The following THSD7B variants were observed in gnomAD, a reference collection of about 807,000 sequenced individuals.
THSD7B encodes the protein thrombospondin type-1 domain-containing protein 7B.
A neutral mutation model predicts 213.6 loss-of-function variants in THSD7B; 138 were observed. That is an observed-to-expected ratio of 0.65 (90% CI 0.56 to 0.74). THSD7B has a LOEUF of 0.74. THSD7B is among the 30% of genes least tolerant of loss of function. The pLI, the probability that THSD7B is intolerant of heterozygous loss-of-function variation, is 0.00. For missense variants in THSD7B, 1,931 were observed against 1,991.5 expected (o/e 0.97, Z 0.58); for synonymous variants, 742 against 687.0 (o/e 1.08, Z -1.25).
At chr2:136,973,982 G>T (rs1482587093) in intron 2 of THSD7B, among the ~76,000 whole-genome samples, 1 of 152,150 alleles carries the variant, frequency 6.6e-6, no homozygotes. Flanking sequence ...AAGTGGAATT[G>T]ACAAGTAATG....
intron 15 of THSD7B, among the ~76,000 whole-genome samples, chr2:137,505,141 C>G (rs1434931104): frequency 1.3e-5 from 2 of 152,176 alleles, no homozygotes; most frequent in African/African-American, 4.8e-5. Flanking sequence ...TTGCCTGTCC[C>G]ACATTTCCCA....
At chr2:137,030,678 A>C (rs900307123) in intron 2 of THSD7B, among the ~76,000 whole-genome samples, 2 of 152,194 alleles carry the variant, frequency 1.3e-5, no homozygotes, top group African/African-American at 4.8e-5. Flanking sequence ...TCAAAAACCA[A>C]GTGAGAGCCG....
chr2:136,822,389 G>A (rs1682578658), intron 1 of THSD7B, among the ~76,000 whole-genome samples: 1 of 152,162 alleles, frequency 6.6e-6, no homozygotes, highest in Admixed American at 6.5e-5. Context: ...ACTGACTCCT[G>A]CTGCTGCTGG....
At chr2:137,663,677 G>C in intron 26 of THSD7B, 102 bp downstream of exon 26, 1 of 1,108,230 alleles carries the variant, frequency 9.0e-7, no homozygotes, top group Non-Finnish European at 1.3e-6. Flanking sequence ...AGGAAAAGAG[G>C]AGAGAAGAAA....
intron 1 of THSD7B, among the ~76,000 whole-genome samples, chr2:136,774,038 G>A (rs1020501016): frequency 1.3e-5 from 2 of 151,998 alleles, no homozygotes; most frequent in East Asian, 1.9e-4. Context: ...GAGGGGGCAT[G>A]TCTGGCTTGC....
chr2:137,546,987 A>G (rs957559807), intron 15 of THSD7B, among the ~76,000 whole-genome samples: 1 of 152,004 alleles, frequency 6.6e-6, no homozygotes, highest in African/African-American at 2.4e-5. Flanking sequence ...AAAGGTCTGT[A>G]TTAGTCTTTG....
intron 10 of THSD7B, among the ~76,000 whole-genome samples, chr2:137,266,256 A>G (rs1267918444): frequency 6.6e-6 from 1 of 152,246 alleles, no homozygotes; most frequent in South Asian, 2.1e-4. Context: ...AGAAACTTTT[A>G]GTTGGCCTGT....
chr2:137,611,023 A>T (rs867787437), intron 17 of THSD7B, among the ~76,000 whole-genome samples: 1 of 127,862 alleles, frequency 7.8e-6, no homozygotes, highest in African/African-American at 3.3e-5. Context: ...AAATAAAATA[A>T]AAAATAAAAA....
At chr2:137,211,366 G>GAGGCACACACACACACACC (rs1681107866) in intron 7 of THSD7B, among the ~76,000 whole-genome samples, 5 of 3,944 alleles carry the variant, frequency 1.3e-3, no homozygotes, top group Non-Finnish European at 6.3e-3. Context: ...ACACACACAC[G>GAGGCACACACACACACACC]GAATATATTA....
At chr2:136,779,676 A>G (rs1681694495) in intron 1 of THSD7B, among the ~76,000 whole-genome samples, 1 of 152,202 alleles carries the variant, frequency 6.6e-6, no homozygotes, top group Non-Finnish European at 1.5e-5. Flanking sequence ...ACACTAAGAA[A>G]ATCAGTTACC....
chr2:136,942,481 A>T (rs1196359644), intron 2 of THSD7B, among the ~76,000 whole-genome samples: 1 of 152,192 alleles, frequency 6.6e-6, no homozygotes, highest in East Asian at 1.9e-4. Context: ...CCTATCCATG[A>T]GCATGGAATG....
At chr2:137,524,396 T>C (rs754049573) in intron 15 of THSD7B, among the ~76,000 whole-genome samples, 50 of 152,142 alleles carry the variant, frequency 3.3e-4, no homozygotes, top group Admixed American at 6.5e-5. Flanking sequence ...GAGCTTACTG[T>C]TCATTTTTCT....
intron 12 of THSD7B, among the ~76,000 whole-genome samples, chr2:137,285,358 T>C (rs550572499): frequency 6.6e-6 from 1 of 152,276 alleles, no homozygotes; most frequent in South Asian, 2.1e-4. Context: ...TTATCCAATT[T>C]GCCCGTCTGT....
At chr2:137,562,749 A>G (rs991146293) in intron 15 of THSD7B, among the ~76,000 whole-genome samples, 1 of 152,104 alleles carries the variant, frequency 6.6e-6, no homozygotes, top group African/African-American at 2.4e-5. Flanking sequence ...GCATAAAAAG[A>G]AATTTCCGGT....
intron 7 of THSD7B, among the ~76,000 whole-genome samples, chr2:137,209,961 G>A (rs1252249849): frequency 6.6e-6 from 1 of 152,066 alleles, no homozygotes; most frequent in East Asian, 1.9e-4. Context: ...AGGAAGTTGG[G>A]CCTACAAAGG....
chr2:137,351,561 G>A (rs1166684382), intron 12 of THSD7B, among the ~76,000 whole-genome samples: 5 of 151,926 alleles, frequency 3.3e-5, no homozygotes, highest in Non-Finnish European at 2.9e-5. Flanking sequence ...CTGATAAAAT[G>A]AAGCAATCGA....
intron 2 of THSD7B, among the ~76,000 whole-genome samples, chr2:136,941,918 G>T (rs1450757738): frequency 6.6e-6 from 1 of 152,084 alleles, no homozygotes; most frequent in Non-Finnish European, 1.5e-5. Context: ...TGAAGTCCTT[G>T]CCCATGCCTG....
intron 2 of THSD7B, among the ~76,000 whole-genome samples, chr2:136,956,397 C>G (rs1685123952): frequency 6.6e-6 from 1 of 152,186 alleles, no homozygotes; most frequent in South Asian, 2.1e-4. Flanking sequence ...GGAAGCCTTA[C>G]AAGTTTTTCC....
At chr2:137,122,584 G>A (rs1471589248) in intron 5 of THSD7B, among the ~76,000 whole-genome samples, 31 of 152,176 alleles carry the variant, frequency 2.0e-4, no homozygotes, top group Admixed American at 2.0e-3. Context: ...TTAGGGTAGA[G>A]AGATAGAATT....
Sources: allele counts gnomAD v4.1 joint callset (sites outside exome capture counted in the v4.1 genomes callset), GRCh38; gene constraint gnomAD v4.1.1; transcripts MANE v1.5; gene names NCBI Gene and HGNC (gene_info 2026-07-23, HGNC 2026-07-21).